Variants in CNTNAP3 observed in about 807,000 individuals in gnomAD.
CNTNAP3 encodes the protein contactin associated protein family member 3.
In CNTNAP3, 36 loss-of-function variants were observed where a neutral mutation model predicts 92.1. The ratio of observed to expected loss-of-function variants is 0.39; its 90% CI spans 0.30 to 0.52. CNTNAP3 has a LOEUF of 0.52. Among genes scored for constraint, CNTNAP3 ranks in the 20% least tolerant of loss-of-function variants. The probability of loss-of-function intolerance (pLI) is 0.76; values close to 1 mark genes in which losing one functional copy is unlikely to be tolerated. For synonymous variants in CNTNAP3, 232 were observed against 422.3 expected, an observed-to-expected ratio of 0.55 and a Z score of 5.53; for missense variants, 534 against 1,069.6, an observed-to-expected ratio of 0.50 and a Z score of 6.98.
chr9:39,094,746 A>T (rs1277337599), intron 18 of CNTNAP3, among the ~76,000 whole-genome samples: 1 of 151,650 alleles, frequency 6.6e-6, no homozygotes, highest in African/African-American at 2.4e-5. Flanking sequence ...TGAATAATGT[A>T]GTTTATAGTA....
chr9:39,092,760 A>G (rs887252445), intron 18 of CNTNAP3, among the ~76,000 whole-genome samples: 5 of 135,552 alleles, frequency 3.7e-5, no homozygotes, highest in East Asian at 2.5e-4. Flanking sequence ...TTTCAACTCT[A>G]TTTTCTTGGT....
chr9:39,095,682 C>G (rs11788341), intron 18 of CNTNAP3, among the ~76,000 whole-genome samples: 11,426 of 116,614 alleles, frequency 0.098, 734 homozygotes, highest in East Asian at 0.21. Context: ...AATCCTACTA[C>G]GTTTTGGTAT....
chr9:39,119,825 C>T (rs1303285133), intron 13 of CNTNAP3, among the ~76,000 whole-genome samples: 7 of 152,026 alleles, frequency 4.6e-5, no homozygotes. Flanking sequence ...AATAACATAA[C>T]TTTTTAAAAA....
intron 18 of CNTNAP3, among the ~76,000 whole-genome samples, chr9:39,095,859 A>C (rs1826313049): frequency 6.6e-6 from 1 of 150,998 alleles, no homozygotes; most frequent in Non-Finnish European, 1.5e-5. Context: ...TCTGTTTTGG[A>C]ACTATTTTTA....
At chr9:39,127,697 C>T (rs1398112125) in intron 13 of CNTNAP3, among the ~76,000 whole-genome samples, 2 of 152,070 alleles carry the variant, frequency 1.3e-5, no homozygotes, top group South Asian at 4.1e-4. Flanking sequence ...AAAGTACAAA[C>T]TACCACAATT....
chr9:39,146,336 G>GAGTCT (rs1450428175), intron 10 of CNTNAP3, among the ~76,000 whole-genome samples: 1 of 152,066 alleles, frequency 6.6e-6, no homozygotes, highest in Admixed American at 6.5e-5. Context: ...CTGCCATGTG[G>GAGTCT]TATACAGGGC....
intron 18 of CNTNAP3, among the ~76,000 whole-genome samples, chr9:39,093,102 A>G (rs1826246044): frequency 7.5e-6 from 1 of 133,160 alleles, no homozygotes; most frequent in South Asian, 2.6e-4. Flanking sequence ...ACCCCTTTCA[A>G]TCTAAATTGT....
intron 18 of CNTNAP3, among the ~76,000 whole-genome samples, chr9:39,098,032 A>C (rs1356214325): frequency 6.7e-6 from 1 of 149,382 alleles, no homozygotes; most frequent in Admixed American, 6.6e-5. Flanking sequence ...AGGAAGCATG[A>C]AACAGAGCTC....
chr9:39,150,102 C>T (rs2118142444), intron 9 of CNTNAP3, 125 bp from the exon 10 acceptor site: 1 of 661,384 alleles, frequency 1.5e-6, no homozygotes, highest in East Asian at 2.8e-5. Flanking sequence ...ATGAGCTTCA[C>T]CATTCATTAG....
chr9:39,138,227 T>A (rs1164451560), intron 12 of CNTNAP3, among the ~76,000 whole-genome samples: 7 of 152,090 alleles, frequency 4.6e-5, no homozygotes, highest in Non-Finnish European at 8.8e-5. Flanking sequence ...AAAGTAACTG[T>A]AACTGCTGTA....
At chr9:39,094,365 A>G (rs1299058110) in intron 18 of CNTNAP3, among the ~76,000 whole-genome samples, 8 of 151,634 alleles carry the variant, frequency 5.3e-5, no homozygotes, top group African/African-American at 1.4e-4. Flanking sequence ...TAATTTTGAT[A>G]AAGTCCAAAT....
rs767217792 is a variant in CNTNAP3 at position 39,132,957 on chromosome 9, C to G, written c.2055G>C (p.Gly685=). ...RCEQRLALRC[G]TARRPDSRDG... ...CTCGTGAGTCCGGGCGCCGCGCCGT[C>G]CCGCAGCGCAGAGCCAGCCGCTGCT... The change falls in exon 13 of 24, where the codon GGG becomes GGC. Residue 685 remains glycine (G), a synonymous_variant. Coordinates refer to ENST00000297668, the MANE Select transcript of CNTNAP3 (RefSeq NM_033655.5). 1 of 1,547,872 alleles carries G rather than the reference C, an allele frequency of 6.5e-7. No homozygotes were observed. The highest frequency in any genetic ancestry group is 1.9e-5 in the Admixed American group (1 of 51,978).
intron 20 of CNTNAP3, chr9:39,086,194 T>C (rs573402334): frequency 6.2e-6 from 2 of 323,840 alleles, no homozygotes; most frequent in East Asian, 7.8e-5. Context: ...TTGTTCTCTA[T>C]ACAGTATATT....
chr9:39,101,340 T>C (rs1826451740), intron 17 of CNTNAP3, among the ~76,000 whole-genome samples: 1 of 152,120 alleles, frequency 6.6e-6, no homozygotes, highest in South Asian at 2.1e-4. Flanking sequence ...GGATGATAAT[T>C]TGTGATTTAG....
Position 39,098,920 on chromosome 9 carries a change from TTAAA to T in CNTNAP3, c.2995+987_2995+990del, listed in dbSNP as rs545171177. ...GTTTCATAAAAGTATTATAAATATA[TTAAA>T]TAAGTCAGTACAGAGTACTTAATAC... is the stretch of plus-strand genomic sequence containing the variant. On this transcript the variant is annotated intron_variant, in intron 18 of 23. Coordinates refer to ENST00000297668, the MANE Select transcript of CNTNAP3 (RefSeq NM_033655.5). Among the ~76,000 whole-genome samples, 439 of 152,058 alleles carry T rather than the reference TTAAA, an allele frequency of 2.9e-3. 4 individuals carry two copies. The highest frequency in any genetic ancestry group is 0.01 in the African/African-American group (424 of 41,484).
intron 21 of CNTNAP3, 187 bp downstream of exon 21, chr9:39,085,549 A>G (rs1337369760): frequency 4.9e-6 from 3 of 607,162 alleles, no homozygotes; most frequent in Non-Finnish European, 8.7e-6. Flanking sequence ...ACGCCCTTGC[A>G]CATCTCACAG....
At chr9:39,082,408 C>A (rs1300073242) in intron 21 of CNTNAP3, among the ~76,000 whole-genome samples, 3 of 151,984 alleles carry the variant, frequency 2.0e-5, no homozygotes, top group African/African-American at 7.2e-5. Flanking sequence ...CTTAGTGCAG[C>A]CTCCTCATTT....
chr9:39,110,194 G>A (rs1029350744), intron 14 of CNTNAP3, among the ~76,000 whole-genome samples: 42 of 152,084 alleles, frequency 2.8e-4, no homozygotes, highest in African/African-American at 9.6e-4. Context: ...TCTGGAGTTC[G>A]AAACCAGCCT....
intron 13 of CNTNAP3, among the ~76,000 whole-genome samples, chr9:39,120,497 C>T (rs894554893): frequency 9.2e-5 from 14 of 152,110 alleles, no homozygotes; most frequent in Non-Finnish European, 1.5e-4. Flanking sequence ...CGGTGAAACC[C>T]CGTCTCTACT....
Sources: gnomAD v4.1 joint callset for allele counts (sites outside exome capture counted in the v4.1 genomes callset) on GRCh38, gnomAD v4.1.1 for gene constraint, MANE v1.5 for transcripts, NCBI Gene and HGNC (gene_info 2026-07-23, HGNC 2026-07-21) for gene names.